CORO7: variants seen among roughly 807,000 people sequenced by gnomAD.
The protein encoded by CORO7 is coronin-7.
Under a neutral mutation model 126.6 loss-of-function variants are expected in CORO7, and 107 were observed. The observed-to-expected ratio is 0.85, with a 90% CI of 0.72 to 0.99. CORO7 has a LOEUF of 0.99. Among genes scored for constraint, CORO7 ranks in the 50% least tolerant of loss-of-function variants. The probability of loss-of-function intolerance (pLI) is 0.00; values close to 1 mark genes in which losing one functional copy is unlikely to be tolerated. For missense variants in CORO7, 1,314 were observed against 1,255.8 expected (o/e 1.05, Z -0.70); for synonymous variants, 603 against 536.8 (o/e 1.12, Z -1.70).
At chr16:4,369,803 A>G (rs1039907615) in intron 9 of CORO7, among the ~76,000 whole-genome samples, 1 of 152,042 alleles carries the variant, frequency 6.6e-6, no homozygotes, top group Non-Finnish European at 1.5e-5. Flanking sequence ...ATCTGTCCCT[A>G]TCACCCAGGC....
intron 9 of CORO7, chr16:4,387,760 C>T (rs1028320725): frequency 1.2e-5 from 7 of 592,748 alleles, no homozygotes; most frequent in South Asian, 1.0e-4. Flanking sequence ...AGGGCCCACT[C>T]TGCTACCAGG....
chr16:4,405,719 G>C, intron 5 of CORO7, 152 bp from the exon 6 acceptor site: 1 of 888,720 alleles, frequency 1.1e-6, no homozygotes, highest in Admixed American at 2.6e-5. Context: ...GCTTCTCCCA[G>C]ACAGGCTTCC....
chr16:4,415,986 C>A, intron 1 of CORO7: 1 of 661,846 alleles, frequency 1.5e-6, no homozygotes. Flanking sequence ...CTCCCCACCA[C>A]TGACACACTT....
At chr16:4,386,898 C>G (rs2055211194) in intron 9 of CORO7, among the ~76,000 whole-genome samples, 1 of 152,206 alleles carries the variant, frequency 6.6e-6, no homozygotes, top group Non-Finnish European at 1.5e-5. Context: ...TCTGGGGACT[C>G]CCCGGAAGAT....
At chr16:4,382,102 T>C in intron 9 of CORO7, 1 of 1,584,054 alleles carries the variant, frequency 6.3e-7, no homozygotes, top group Admixed American at 1.7e-5. Flanking sequence ...GCCCCAGGAC[T>C]GCCCACCGTC....
At chr16:4,413,632 G>A (rs568184278) in intron 1 of CORO7, 45 of 422,356 alleles carry the variant, frequency 1.1e-4, no homozygotes, top group Admixed American at 9.3e-4. Context: ...CTGCCTCTTG[G>A]GTTCAAGTGA....
chr16:4,357,169 T>G lies in CORO7; in HGVS notation c.2684A>C (p.Glu895Ala), dbSNP rs759365493. Reference protein sequence around the residue: ...EEKSDQQKKEELLNAMVAKLG... With the variant: ...EEKSDQQKKEALLNAMVAKLG... ...ACAGCTGCTCTCTCCCATGCCTACC[T>G]CCTCCTTCTTTTGCTGGTCAGACTT... Residue 895 changes from glutamate to alanine, a missense_variant and splice_region_variant, in exon 26 of 28, where the codon GAG (glutamate) becomes GCG (alanine). Glu to Ala is a moderately radical substitution (Grantham distance 107). Transcript: ENST00000251166. The G allele has an allele frequency of 1.5e-5, 25 of 1,613,788 alleles. No homozygotes were observed. In the Admixed American group the frequency reaches 4.0e-4, roughly 26 times the overall value.
At chr16:4,393,009 T>C (rs967477765) in intron 7 of CORO7, among the ~76,000 whole-genome samples, 30 of 152,338 alleles carry the variant, frequency 2.0e-4, no homozygotes, top group African/African-American at 6.7e-4. Context: ...GCAGCCACTC[T>C]ATCCCCACCT....
intron 9 of CORO7, among the ~76,000 whole-genome samples, chr16:4,379,534 C>T (rs1384632416): frequency 2.0e-5 from 3 of 152,128 alleles, no homozygotes; most frequent in South Asian, 2.1e-4. Flanking sequence ...TTGCTGGCAC[C>T]GCAATGGCAG....
chr16:4,388,172 A>C (rs984093314), intron 8 of CORO7, 104 bp from the exon 9 acceptor site: 65 of 1,440,044 alleles, frequency 4.5e-5, no homozygotes, highest in East Asian at 3.0e-4. Flanking sequence ...GACACGGGGC[A>C]CCTGCCCCAG....
Position 4,362,876 on chromosome 16 carries a change from C to G in CORO7, c.1276-138G>C, listed in dbSNP as rs973575121. On this transcript the variant is annotated intron_variant, in intron 14 of 27. Transcript: ENST00000251166. The surrounding 1 kb of genome is among the most constrained non-coding windows in gnomAD (Gnocchi z 5.3). ...CCCCACTGTGGGCATGCGACAGGAG[C>G]GGCGGGGGGCACGGGCATAAACGCA... 14 of 1,041,636 alleles carry G rather than the reference C, an allele frequency of 1.3e-5. No individual in the cohort carries two copies. The Admixed American group carries it at 1.7e-4, about 13-fold the overall frequency. The allele number at this position is 1,041,636 out of a possible 1,614,324, so 64.5% of individuals were successfully genotyped here.
rs530545913 is a variant in CORO7, at chr16:4,405,274, G to C, written c.564+217C>G. 3.3e-5 allele frequency among the ~76,000 whole-genome samples: 5 copies of C among 152,368 alleles called. No individual in the cohort carries two copies. The East Asian group carries it at 9.6e-4, about 29-fold the overall frequency. ...AGGGCGCAAACCAGGGACCAGCGTG[G>C]GCTCTCATCTGACAGGGGCCTAGGC... On this transcript the variant is annotated intron_variant, in intron 6 of 27. Coordinates refer to ENST00000251166, the MANE Select transcript of CORO7 (RefSeq NM_024535.5).
chr16:4,389,272 G>A (rs1444085647), intron 7 of CORO7, among the ~76,000 whole-genome samples: 2 of 152,162 alleles, frequency 1.3e-5, no homozygotes, highest in East Asian at 1.9e-4. Context: ...GAAGGCTCCC[G>A]GCCCCTGGGA....
At chr16:4,392,456 G>A (rs1000304334) in intron 7 of CORO7, among the ~76,000 whole-genome samples, 4 of 152,326 alleles carry the variant, frequency 2.6e-5, no homozygotes, top group Admixed American at 2.6e-4. Context: ...TGGGTGTGAG[G>A]AGGAGCCTCC....
rs373717954 is a variant in CORO7, at chr16:4,398,571, A to C, written c.565-3232T>G. ...ATACCAGCTACTCGGGAGGCTGAGG[A>C]AGGAGAATTGCTTGAACTCAGGAGG... On this transcript the variant is annotated intron_variant, in intron 6 of 27. Transcript: ENST00000251166. 7.3e-5 allele frequency among the ~76,000 whole-genome samples: 11 copies of C among 151,360 alleles called. No homozygotes were observed. In the East Asian group the frequency reaches 9.8e-4, roughly 13 times the overall value.
At position 4,388,054 on chromosome 16, in the gene CORO7, T is replaced by G; in HGVS notation, c.717A>C (p.Glu239Asp). ...AGAACCGCGTGTCCCACAGCTTCACTTCGCGCTCACGCATCTGCAGGGAGG... is the reference window on the plus strand; with the variant it reads ...AGAACCGCGTGTCCCACAGCTTCACGTCGCGCTCACGCATCTGCAGGGAGG... ...STGFNQMRER[E>D]VKLWDTRFFS... is the part of the protein sequence containing the mutation. The change falls in exon 9 of 28, where the codon GAA becomes GAC. Residue 239 changes from glutamate (E) to aspartate (D), a missense_variant. Glu to Asp is a conservative substitution (Grantham distance 45). Coordinates refer to ENST00000251166, the MANE Select transcript of CORO7 (RefSeq NM_024535.5). 3.7e-6 allele frequency: 6 copies of G among 1,612,804 alleles called. No individual in the cohort carries two copies. The highest frequency in any genetic ancestry group is 5.1e-6 in the Non-Finnish European group (6 of 1,179,784).
chr16:4,378,376 C>A (rs909705614), intron 9 of CORO7, among the ~76,000 whole-genome samples: 1 of 151,812 alleles, frequency 6.6e-6, no homozygotes, highest in African/African-American at 2.4e-5. Flanking sequence ...TGGAGGATCC[C>A]CTCCCACTCT....
Position 4,382,335 on chromosome 16 carries a change from G to C in CORO7, c.785+5651C>G, listed in dbSNP as rs758142283. 10 of 1,611,462 alleles carry C rather than the reference G, an allele frequency of 6.2e-6. No individual in the cohort carries two copies. In the Admixed American group the frequency reaches 1.7e-4, roughly 27 times the overall value. On this transcript the variant is annotated intron_variant, in intron 9 of 27. Transcript: ENST00000251166. ...TGGGGCTGCAGCGCTACCTCCAGGG[G>C]AGCTCCGTGCAGCTCAGGAGCCTCC...
At position 4,387,880 on chromosome 16, in the gene CORO7, C is replaced by T. The variant is rs1365352150; in HGVS notation, c.785+106G>A. On this transcript the variant is annotated intron_variant, in intron 9 of 27. Coordinates refer to ENST00000251166, the MANE Select transcript of CORO7 (RefSeq NM_024535.5). ...GCAGCCCAGATCAGGTACCCCAGAA[C>T]ACCCCGGAGATCAGCCCGCCTCACT... The T allele has an allele frequency of 4.2e-6, 6 of 1,421,078 alleles. No homozygotes were observed. In the South Asian group the frequency reaches 5.0e-5, roughly 12 times the overall value. The allele number at this position is 1,421,078 out of a possible 1,614,324, so 88.0% of individuals were successfully genotyped here.
Sources: gnomAD v4.1 joint callset for allele counts (sites outside exome capture counted in the v4.1 genomes callset) on GRCh38, gnomAD v4.1.1 for gene constraint, Gnocchi (gnomAD v3.1) non-coding constraint, MANE v1.5 for transcripts, NCBI Gene and HGNC (gene_info 2026-07-23, HGNC 2026-07-21) for gene names.